Variants in LRRC7 observed in about 807,000 individuals in gnomAD.
LRRC7 encodes leucine-rich repeat-containing protein 7.
LRRC7 carries 23 observed loss-of-function variants against 175.7 expected under a neutral mutation model. That is an observed-to-expected ratio of 0.13 (90% CI 0.09 to 0.19). The LOEUF (loss-of-function observed/expected upper bound fraction) is 0.19, where lower values mean the gene tolerates loss of function less well. Ranked by LOEUF, LRRC7 falls within the 10% of genes least tolerant of loss-of-function variation. LRRC7 has a pLI of 1.00. For synonymous variants in LRRC7, 685 were observed against 680.9 expected (o/e 1.01, Z -0.09); for missense variants, 1,354 against 1,904.7 (o/e 0.71, Z 5.38).
intron 4 of LRRC7, among the ~76,000 whole-genome samples, chr1:69,801,957 G>A (rs900718953): frequency 4.7e-5 from 7 of 147,544 alleles, no homozygotes; most frequent in African/African-American, 1.7e-4. Flanking sequence ...TCTAATTTTT[G>A]TCTTAATTTC....
intron 1 of LRRC7, among the ~76,000 whole-genome samples, chr1:69,666,782 T>C (rs1294279327): frequency 6.6e-6 from 1 of 152,044 alleles, no homozygotes; most frequent in African/African-American, 2.4e-5. Flanking sequence ...TGATATTTCA[T>C]ATTGTTTTCT....
chr1:69,885,011 G>T (rs1429874623), intron 7 of LRRC7, among the ~76,000 whole-genome samples: 2 of 145,204 alleles, frequency 1.4e-5, no homozygotes. Context: ...TGCTGGATTC[G>T]GTTTGCCAGT....
intron 3 of LRRC7, among the ~76,000 whole-genome samples, chr1:69,781,782 AAAGAAAGGAAGGAAGGAAGGAAGGAAGG>A (rs1673670985): frequency 7.2e-5 from 4 of 55,424 alleles, no homozygotes; most frequent in African/African-American, 8.7e-5. Flanking sequence ...AGAAAGAAAG[AAAGAAAGGAAGGAAGGAAGGAAGGAAGG>A]AAGGAAGGAA....
Position 69,949,549 on chromosome 1 carries a change from C to G in LRRC7, c.711+17979C>G, listed in dbSNP as rs1570771297. Among the ~76,000 whole-genome samples, 6 of 149,336 alleles carry G rather than the reference C, an allele frequency of 4.0e-5. No individual in the cohort carries two copies. In the East Asian group the frequency reaches 8.1e-4, roughly 20 times the overall value. On this transcript the variant is annotated intron_variant, in intron 8 of 26. Coordinates refer to ENST00000651989, the MANE Select transcript of LRRC7 (RefSeq NM_001370785.2). ...TGCAGTCTGGGTGATAGAGCAAGAC[C>G]CAGTCCCAAAGAAAAATAGAGAGAG...
intron 2 of LRRC7, among the ~76,000 whole-genome samples, chr1:69,744,179 A>C (rs887969979): frequency 6.6e-5 from 10 of 151,978 alleles, no homozygotes; most frequent in Non-Finnish European, 1.5e-4. Flanking sequence ...AGTGACTACT[A>C]TACATTATCT....
intron 2 of LRRC7, among the ~76,000 whole-genome samples, chr1:69,754,173 G>T (rs1027196096): frequency 6.6e-6 from 1 of 152,000 alleles, no homozygotes; most frequent in Admixed American, 6.6e-5. Flanking sequence ...TTACTTTGAG[G>T]ACAGAGAGGA....
chr1:69,659,478 G>A (rs536488078), intron 1 of LRRC7, among the ~76,000 whole-genome samples: 5 of 136,824 alleles, frequency 3.7e-5, no homozygotes, highest in African/African-American at 1.1e-4. Context: ...TGAAACTGAA[G>A]AACACCAAAA....
intron 24 of LRRC7, among the ~76,000 whole-genome samples, chr1:70,088,628 G>A (rs1663788549): frequency 6.6e-6 from 1 of 151,974 alleles, no homozygotes; most frequent in Non-Finnish European, 1.5e-5. Flanking sequence ...AATGTATACT[G>A]CCTCTTGGTC....
intron 2 of LRRC7, among the ~76,000 whole-genome samples, chr1:69,717,780 AAGAAAG>A: frequency 4.1e-5 from 1 of 24,318 alleles, no homozygotes; most frequent in Non-Finnish European, 7.8e-5. Context: ...AAAAGAAAGA[AAGAAAG>A]AAAGAAAGAA....
chr1:69,734,340 G>T (rs146897562), intron 2 of LRRC7, among the ~76,000 whole-genome samples: 1 of 151,838 alleles, frequency 6.6e-6, no homozygotes, highest in Admixed American at 6.6e-5. Context: ...GCAGTTTGTT[G>T]AGCTTTTTTT....
intron 2 of LRRC7, among the ~76,000 whole-genome samples, chr1:69,751,947 T>C (rs1423763550): frequency 1.3e-5 from 2 of 152,132 alleles, no homozygotes; most frequent in Non-Finnish European, 1.5e-5. Context: ...TCCATTGATC[T>C]TGGTGAAGAA....
chr1:70,132,535 G>A lies in LRRC7; in HGVS notation c.*10648G>A, dbSNP rs1437470663. On this transcript the variant is annotated 3_prime_UTR_variant, in exon 27 of 27. Transcript: ENST00000651989. ...GCTGGAGGCTGGAGTGCAGTGGCAC[G>A]ATCTCAGCTTACTGCAACCTCCGCC... Among the ~76,000 whole-genome samples the A allele has an allele frequency of 3.1e-5, 4 of 127,686 alleles. No individual in the cohort carries two copies. Among genetic ancestry groups the A allele is most frequent in the African/African-American group, 1.2e-4 (4 of 33,164 alleles). 83.8% of individuals were successfully genotyped at this position (127,686 alleles called of 152,430 possible).
intron 7 of LRRC7, among the ~76,000 whole-genome samples, chr1:69,883,693 C>T (rs1445104992): frequency 1.0e-5 from 1 of 96,424 alleles, no homozygotes; most frequent in Non-Finnish European, 2.2e-5. Context: ...CTTGCCCATG[C>T]CTATGTCCGG....
Position 70,136,744 on chromosome 1 carries a change from T to C in LRRC7, c.*14857T>C, listed in dbSNP as rs1179219949. On this transcript the variant is annotated 3_prime_UTR_variant, in exon 27 of 27. Transcript: ENST00000651989. ...GCCTTTTTTTTTTTTTTTTTTTTTT[T>C]TCTGAGACAGGGTCTTGCTCTGTCA... Among the ~76,000 whole-genome samples, 1 of 146,946 alleles carries C rather than the reference T, an allele frequency of 6.8e-6. No individual in the cohort carries two copies. The highest frequency in any genetic ancestry group is 1.5e-5 in the Non-Finnish European group (1 of 66,572).
chr1:69,905,648 A>G (rs1035032638), intron 7 of LRRC7, among the ~76,000 whole-genome samples: 3 of 152,220 alleles, frequency 2.0e-5, no homozygotes, highest in Non-Finnish European at 2.9e-5. Context: ...TTCTTAATCC[A>G]GTCTATCATT....
chr1:69,896,347 G>T (rs954455187), intron 7 of LRRC7, among the ~76,000 whole-genome samples: 2 of 151,976 alleles, frequency 1.3e-5, no homozygotes, highest in Admixed American at 1.3e-4. Context: ...TACAATAGAT[G>T]ATTATAAATT....
chr1:69,940,409 A>G (rs533200567), intron 8 of LRRC7, among the ~76,000 whole-genome samples: 1 of 152,088 alleles, frequency 6.6e-6, no homozygotes, highest in Non-Finnish European at 1.5e-5. Flanking sequence ...AATGAAATTA[A>G]TTAGCTCGGT....
chr1:70,070,920 G>A (rs562650667), intron 23 of LRRC7, among the ~76,000 whole-genome samples: 8 of 152,244 alleles, frequency 5.3e-5, no homozygotes, highest in Admixed American at 3.3e-4. Flanking sequence ...GGAGAAGAGG[G>A]GCTTATTACT....
chr1:70,016,119 A>G (rs1257001513), intron 13 of LRRC7, among the ~76,000 whole-genome samples: 2 of 152,150 alleles, frequency 1.3e-5, no homozygotes, highest in Non-Finnish European at 2.9e-5. Flanking sequence ...AGTAAGGGAG[A>G]GAGTATGCCA....
Sources: allele counts gnomAD v4.1 joint callset (sites outside exome capture counted in the v4.1 genomes callset), GRCh38; gene constraint gnomAD v4.1.1; transcripts MANE v1.5; gene names NCBI Gene and HGNC (gene_info 2026-07-23, HGNC 2026-07-21).